Variants in PAM observed in about 807,000 individuals in gnomAD.
The protein encoded by PAM is peptidyl-glycine alpha-amidating monooxygenase.
Under a neutral mutation model 122.1 loss-of-function variants are expected in PAM, and 72 were observed. The ratio of observed to expected loss-of-function variants is 0.59; its 90% CI spans 0.49 to 0.72. The LOEUF (loss-of-function observed/expected upper bound fraction) is 0.72, where lower values mean the gene tolerates loss of function less well. PAM is among the 30% of genes least tolerant of loss of function. The pLI is 0.00. For missense variants in PAM, 1,106 were observed against 1,183.7 expected (o/e 0.93, Z 0.96); for synonymous variants, 389 against 404.4 (o/e 0.96, Z 0.46).
intron 3 of PAM, among the ~76,000 whole-genome samples, chr5:102,883,360 C>G (rs1183057777): frequency 6.6e-6 from 1 of 151,930 alleles, no homozygotes; most frequent in African/African-American, 2.4e-5. Flanking sequence ...GGCTGTGTTT[C>G]CATTTGTTTG....
At chr5:103,004,198 G>A (rs1188236338) in intron 17 of PAM, among the ~76,000 whole-genome samples, 2 of 152,198 alleles carry the variant, frequency 1.3e-5, no homozygotes, top group African/African-American at 4.8e-5. Context: ...AAGATTGTGT[G>A]TCAGGGGTGA....
At chr5:102,903,207 A>G (rs1798526922) in intron 4 of PAM, among the ~76,000 whole-genome samples, 1 of 151,516 alleles carries the variant, frequency 6.6e-6, no homozygotes, top group Admixed American at 6.6e-5. Flanking sequence ...TATTACTTGG[A>G]GGATTGCATG....
intron 1 of PAM, among the ~76,000 whole-genome samples, chr5:102,798,112 G>A (rs1763830062): frequency 6.6e-6 from 1 of 152,138 alleles, no homozygotes; most frequent in Admixed American, 6.5e-5. Context: ...ATTGGCACAA[G>A]TATTTTTATA....
chr5:102,948,426 T>C lies in PAM; in HGVS notation c.624T>C (p.Val208=). 1 of 1,576,460 alleles carries C rather than the reference T, an allele frequency of 6.3e-7. No individual in the cohort carries two copies. Among genetic ancestry groups the C allele is most frequent in the Non-Finnish European group, 8.7e-7 (1 of 1,147,494 alleles). The change falls in exon 9 of 26, where the codon GTT becomes GTC. Residue 208 remains valine, a synonymous_variant. Coordinates refer to ENST00000438793, the MANE Select transcript of PAM (RefSeq NM_001177306.2). ...GMYLMMSVDT[V]IPAGEKVVNS... is the part of the protein sequence containing the mutation. ...ACCTTATGATGTCTGTTGACACTGT[T>C]ATCCCAGCAGGAGAAAAAGGTGAGT...
rs976089737 is a variant in PAM at position 102,839,994 on chromosome 5, T to C, written c.-373-25829T>C. 3.3e-5 allele frequency among the ~76,000 whole-genome samples: 5 copies of C among 152,278 alleles called. No homozygotes were observed. In the East Asian group the frequency reaches 5.8e-4, roughly 18 times the overall value. On this transcript the variant is annotated intron_variant, in intron 1 of 25. Transcript: ENST00000438793. ...AAGATGTGCTTACTCCCACTGCTTCTATTAATCATTATACTAGAGGTTCTA... is the reference window on the plus strand; with the variant it reads ...AAGATGTGCTTACTCCCACTGCTTCCATTAATCATTATACTAGAGGTTCTA...
At chr5:102,765,779 A>G (rs1371718737) in intron 1 of PAM, among the ~76,000 whole-genome samples, 1 of 152,150 alleles carries the variant, frequency 6.6e-6, no homozygotes, top group Non-Finnish European at 1.5e-5. Flanking sequence ...TTGTGTCTTC[A>G]CATCATCTTT....
intron 18 of PAM, among the ~76,000 whole-genome samples, chr5:103,006,381 T>C (rs1008257332): frequency 3.3e-5 from 5 of 152,352 alleles, no homozygotes; most frequent in African/African-American, 1.2e-4. Flanking sequence ...AAAGAAGTTA[T>C]ATCAAGCGTA....
chr5:102,771,586 C>T (rs1055645710), intron 1 of PAM, among the ~76,000 whole-genome samples: 3 of 152,110 alleles, frequency 2.0e-5, no homozygotes, highest in African/African-American at 7.2e-5. Flanking sequence ...GTCTTCATGT[C>T]TGGTGGCTTG....
intron 5 of PAM, among the ~76,000 whole-genome samples, chr5:102,920,548 A>C (rs1747064683): frequency 6.6e-6 from 1 of 152,124 alleles, no homozygotes; most frequent in South Asian, 2.1e-4. Context: ...TGAAGTTCAC[A>C]TAGGATTGTC....
At chr5:102,950,061 G>T in intron 11 of PAM, 83 bp downstream of exon 11, 1 of 768,226 alleles carries the variant, frequency 1.3e-6, no homozygotes, top group Non-Finnish European at 2.3e-6. Flanking sequence ...TGCAACTCTT[G>T]TGAATTTCTC....
chr5:102,879,120 C>G (rs1421002091), intron 3 of PAM, among the ~76,000 whole-genome samples: 2 of 151,716 alleles, frequency 1.3e-5, no homozygotes, highest in Non-Finnish European at 1.5e-5. Flanking sequence ...TTAGTAGAGA[C>G]GGGGTTTCAC....
chr5:102,974,103 C>CT lies in PAM; in HGVS notation c.1163-7dup. 1.9e-6 allele frequency: 3 copies of CT among 1,601,270 alleles called. No homozygotes were observed. The highest frequency in any genetic ancestry group is 8.5e-7 in the Non-Finnish European group (1 of 1,170,840). ...TACCCTCCACGCCCTTATCTCTTCT[C>CT]TTTTTTCCACAGGTGATTTCTATTC... On this transcript the variant is annotated splice_polypyrimidine_tract_variant and intron_variant, in intron 14 of 25. Coordinates refer to ENST00000438793, the MANE Select transcript of PAM (RefSeq NM_001177306.2).
chr5:102,900,174 T>C (rs1410083012), intron 3 of PAM, among the ~76,000 whole-genome samples: 8 of 142,932 alleles, frequency 5.6e-5, no homozygotes, highest in African/African-American at 7.8e-5. Flanking sequence ...TGAAGGGTGA[T>C]AGGATCACAT....
Position 102,895,182 on chromosome 5 carries a change from G to T in PAM, c.211-6174G>T, listed in dbSNP as rs116071060. Among the ~76,000 whole-genome samples the T allele has an allele frequency of 1.9e-3, 290 of 151,736 alleles. 1 individual carries two copies. Among genetic ancestry groups the T allele is most frequent in the Middle Eastern group, 6.8e-3 (2 of 294 alleles). On this transcript the variant is annotated intron_variant, in intron 3 of 25. Transcript: ENST00000438793. The stretch of plus-strand genomic sequence containing the variant: ...CACACCAAGTTCTGTCTAATTACAC[G>T]GCCTTTGAAAATACTATTTCTTACG...
chr5:102,770,494 G>A (rs1561397731), intron 1 of PAM, among the ~76,000 whole-genome samples: 1 of 152,074 alleles, frequency 6.6e-6, no homozygotes, highest in Non-Finnish European at 1.5e-5. Context: ...GATACTAGCT[G>A]TGGGTCTGTC....
Position 103,019,831 on chromosome 5 carries a change from C to G in PAM, c.2473C>G (p.Gln825Glu). The change falls in exon 23 of 26, where the codon CAG (glutamine) becomes GAG (glutamate). Residue 825 changes from glutamine to glutamate, a missense_variant. Coordinates refer to ENST00000438793, the MANE Select transcript of PAM (RefSeq NM_001177306.2). ...AGTTAAAAAGGCTGGCATTGAGGTCCAGGAAATCAAAGGTTGGTCAGATTC... is the reference window on the plus strand; with the variant it reads ...AGTTAAAAAGGCTGGCATTGAGGTCGAGGAAATCAAAGGTTGGTCAGATTC... ...RSVKKAGIEV[Q>E]EIKEAEAVVE... 1.9e-6 allele frequency: 3 copies of G among 1,604,832 alleles called. No individual in the cohort carries two copies. Among genetic ancestry groups the G allele is most frequent in the Non-Finnish European group, 2.6e-6 (3 of 1,171,764 alleles).
chr5:102,830,501 C>T (rs962103138), intron 1 of PAM, among the ~76,000 whole-genome samples: 5 of 152,152 alleles, frequency 3.3e-5, no homozygotes, highest in Non-Finnish European at 7.3e-5. Context: ...ACTGCTTGTT[C>T]ATTCTTCTCC....
chr5:102,984,672 G>C (rs1771133906), intron 15 of PAM, among the ~76,000 whole-genome samples: 1 of 152,082 alleles, frequency 6.6e-6, no homozygotes, highest in Admixed American at 6.6e-5. Context: ...GTCAGCATCG[G>C]ACAGATCATG....
intron 4 of PAM, among the ~76,000 whole-genome samples, chr5:102,910,058 T>C (rs2151519533): frequency 6.6e-6 from 1 of 152,078 alleles, no homozygotes; most frequent in Admixed American, 6.6e-5. Context: ...TACTTGGTTA[T>C]GTGTGTTCTT....
Sources: gnomAD v4.1 joint callset for allele counts (sites outside exome capture counted in the v4.1 genomes callset) on GRCh38, gnomAD v4.1.1 for gene constraint, MANE v1.5 for transcripts, NCBI Gene and HGNC (gene_info 2026-07-23, HGNC 2026-07-21) for gene names.